The following SYNE1 variants were observed in gnomAD, a reference collection of about 807,000 sequenced individuals.
SYNE1 encodes spectrin repeat containing nuclear envelope protein 1.
In SYNE1, 616 loss-of-function variants were observed where a neutral mutation model predicts 1,111.0. The observed-to-expected ratio is 0.55, with a 90% CI of 0.52 to 0.59. The LOEUF is 0.59. Among genes scored for constraint, SYNE1 ranks in the 20% least tolerant of loss-of-function variants. The pLI is 0.00. For missense variants in SYNE1, 10,006 were observed against 10,417.0 expected (o/e 0.96, Z 1.72); for synonymous variants, 3,855 against 3,825.8 (o/e 1.01, Z -0.28).
intron 3 of SYNE1, among the ~76,000 whole-genome samples, chr6:152,614,474 C>T (rs1391725692): frequency 1.3e-5 from 2 of 152,140 alleles, no homozygotes; most frequent in Admixed American, 1.3e-4. Flanking sequence ...ATTAAAAAGT[C>T]AGAAAACAAC....
chr6:152,362,521 A>T (rs1015487069), intron 63 of SYNE1, among the ~76,000 whole-genome samples, 198 bp from the exon 64 acceptor site: 8 of 152,178 alleles, frequency 5.3e-5, no homozygotes, highest in African/African-American at 1.9e-4. Context: ...AGCAAGGAAC[A>T]TTTAAACCCA....
chr6:152,517,680 T>C (rs1040648020), intron 6 of SYNE1, among the ~76,000 whole-genome samples: 1 of 152,194 alleles, frequency 6.6e-6, no homozygotes, highest in Non-Finnish European at 1.5e-5. Context: ...CACTATGAAC[T>C]GATGTGGGAT....
intron 129 of SYNE1, among the ~76,000 whole-genome samples, chr6:152,178,900 T>C (rs966030093): frequency 1.5e-5 from 2 of 132,468 alleles, no homozygotes; most frequent in African/African-American, 3.0e-5. Context: ...AACACTGAAA[T>C]CACCCAATTC....
intron 68 of SYNE1, 50 bp from the exon 69 acceptor site, chr6:152,353,483 G>C: frequency 6.2e-7 from 1 of 1,613,734 alleles, no homozygotes; most frequent in South Asian, 1.1e-5. Context: ...CCTGTGCCAG[G>C]GCCTTTGTTG....
chr6:152,301,249 T>C (rs1029870904), intron 92 of SYNE1, among the ~76,000 whole-genome samples: 3 of 152,136 alleles, frequency 2.0e-5, no homozygotes, highest in Non-Finnish European at 2.9e-5. Context: ...ACAGCACATA[T>C]AAGGGAAAAC....
intron 3 of SYNE1, among the ~76,000 whole-genome samples, chr6:152,553,809 G>C (rs996398854): frequency 2.6e-5 from 4 of 152,178 alleles, no homozygotes; most frequent in African/African-American, 9.7e-5. Context: ...TTGTCAGCAG[G>C]AGGTTTTTTA....
chr6:152,223,222 CAGA>C (rs1274170242), intron 117 of SYNE1, among the ~76,000 whole-genome samples: 38 of 152,202 alleles, frequency 2.5e-4, no homozygotes, highest in Non-Finnish European at 5.0e-4. Context: ...TTACTATCCT[CAGA>C]AGAAGTTTTC....
At chr6:152,484,217 C>G (rs1049658872) in intron 13 of SYNE1, among the ~76,000 whole-genome samples, 2 of 151,758 alleles carry the variant, frequency 1.3e-5, no homozygotes, top group Non-Finnish European at 2.9e-5. Flanking sequence ...ATCTCAAAAA[C>G]AAAATAAAAT....
intron 56 of SYNE1, among the ~76,000 whole-genome samples, chr6:152,378,914 C>T (rs1014290726): frequency 6.6e-6 from 1 of 152,142 alleles, no homozygotes. Flanking sequence ...TTATTTAACT[C>T]GGTGTCTGGG....
chr6:152,187,731 G>A (rs2070634435), intron 128 of SYNE1, among the ~76,000 whole-genome samples: 1 of 151,238 alleles, frequency 6.6e-6, no homozygotes, highest in Non-Finnish European at 1.5e-5. Flanking sequence ...GTGTGTGTGA[G>A]AGAGAGAGAG....
At chr6:152,269,512 G>A in intron 98 of SYNE1, among the ~76,000 whole-genome samples, 1 of 152,140 alleles carries the variant, frequency 6.6e-6, no homozygotes, top group Non-Finnish European at 1.5e-5. Context: ...ACTGTTTGAG[G>A]GGAAAACCCA....
At chr6:152,295,648 GCA>G (rs538123180) in intron 93 of SYNE1, among the ~76,000 whole-genome samples, 1 of 151,104 alleles carries the variant, frequency 6.6e-6, no homozygotes, top group East Asian at 1.9e-4. Context: ...ACACAAACAC[GCA>G]CACACACACA....
intron 82 of SYNE1, 31 bp from the exon 83 acceptor site, chr6:152,321,917 G>C: frequency 6.2e-7 from 1 of 1,613,866 alleles, no homozygotes; most frequent in South Asian, 1.1e-5. Flanking sequence ...TAAAACAGAA[G>C]TGAAGTGAAA....
chr6:152,390,339 C>T lies in SYNE1; in HGVS notation c.8118G>A (p.Gln2706=). The change falls in exon 53 of 146, where the codon CAG becomes CAA. Residue 2706 remains glutamine, a synonymous_variant. Coordinates refer to ENST00000367255, the MANE Select transcript of SYNE1 (RefSeq NM_182961.4). ...NKEGQRVIQT[Q]LETLKEVWAD... is the part of the protein sequence containing the mutation. ...CCCACACTTCTTTAAGGGTCTCTAA[C>T]TGAGTCTGAATCACCCTCTGACCTT... 6.2e-7 allele frequency: 1 copy of T among 1,614,154 alleles called. No homozygotes were observed.
intron 3 of SYNE1, among the ~76,000 whole-genome samples, chr6:152,599,049 C>T (rs775497398): frequency 1.3e-5 from 2 of 152,278 alleles, no homozygotes; most frequent in Non-Finnish European, 2.9e-5. Context: ...TCACCCTTCT[C>T]GTGAGATAAT....
Position 152,450,782 on chromosome 6 carries a change from G to A in SYNE1, c.3238C>T (p.Leu1080Phe), listed in dbSNP as rs779798677. The change falls in exon 27 of 146, where the codon CTC becomes TTC. Residue 1080 changes from leucine to phenylalanine, a missense_variant. By Grantham distance (22) the Leu-to-Phe change is conservative. Coordinates refer to ENST00000367255, the MANE Select transcript of SYNE1 (RefSeq NM_182961.4). ...PHHLCEKRLQ[L>F]IEELCVKLPV... is the part of the protein sequence containing the mutation. ...AGTTTCACACAGAGTTCCTCGATGAGCTGTAACCTTTTCTCACAGAGATGA... is the reference window on the plus strand; with the variant it reads ...AGTTTCACACAGAGTTCCTCGATGAACTGTAACCTTTTCTCACAGAGATGA... The A allele has an allele frequency of 1.2e-5, 19 of 1,614,126 alleles. No individual in the cohort carries two copies. In the South Asian group the frequency reaches 1.9e-4, roughly 16 times the overall value.
At chr6:152,362,041 A>T in intron 64 of SYNE1, 129 bp downstream of exon 64, 2 of 1,270,994 alleles carry the variant, frequency 1.6e-6, no homozygotes, top group Non-Finnish European at 2.2e-6. Context: ...TAGAGATTAT[A>T]CTAAAAGCCC....
rs542401210 is a variant in SYNE1, at chr6:152,522,743, C to T, written c.226-2201G>A. Among the ~76,000 whole-genome samples, 7 of 152,076 alleles carry T rather than the reference C, an allele frequency of 4.6e-5. No individual in the cohort carries two copies. The South Asian group carries it at 6.2e-4, about 14-fold the overall frequency. ...TTGTTTTTTGACTTTTTAATAATGG[C>T]GATTCTTGCAGGGGTAAGGTGGTAT... On this transcript the variant is annotated intron_variant, in intron 5 of 145. Transcript: ENST00000367255.
At position 152,385,518 on chromosome 6, in the gene SYNE1, C is replaced by T. The variant is rs191807475; in HGVS notation, c.8652+156G>A. On this transcript the variant is annotated intron_variant, in intron 55 of 145. Transcript: ENST00000367255. ...TAAGTGTAAAGTCTTTTGAATTCTT[C>T]TCATGACTCTTGTTTATGTGTAGAA... is the stretch of plus-strand genomic sequence containing the variant. Among the ~76,000 whole-genome samples the T allele has an allele frequency of 3.7e-3, 562 of 152,266 alleles. 1 individual carries two copies. The highest frequency in any genetic ancestry group is 6.5e-3 in the Non-Finnish European group (445 of 68,022).
Sources: allele counts gnomAD v4.1 joint callset (sites outside exome capture counted in the v4.1 genomes callset), GRCh38; gene constraint gnomAD v4.1.1; transcripts MANE v1.5; gene names NCBI Gene and HGNC (gene_info 2026-07-23, HGNC 2026-07-21).